The following ABI3BP variants were observed in gnomAD, a reference collection of about 807,000 sequenced individuals.
ABI3BP encodes ABI family member 3 binding protein.
In ABI3BP, 216 loss-of-function variants were observed where a neutral mutation model predicts 268.6. That is an observed-to-expected ratio of 0.80 (90% CI 0.72 to 0.90). The LOEUF is 0.90. Ranked by LOEUF, ABI3BP falls within the 40% of genes least tolerant of loss-of-function variation. ABI3BP has a pLI of 0.00. For missense variants in ABI3BP, 2,090 were observed against 2,182.4 expected (o/e 0.96, Z 0.84); for synonymous variants, 730 against 730.0 (o/e 1.00, Z 0.00).
chr3:100,820,364 G>A (rs2098183850), intron 39 of ABI3BP, 61 bp from the exon 40 acceptor site: 3 of 1,306,676 alleles, frequency 2.3e-6, no homozygotes, highest in African/African-American at 1.5e-5. Context: ...TGAGTAGCAT[G>A]ACATACGGTT....
At chr3:100,816,803 G>T (rs1308502169) in intron 42 of ABI3BP, 35 bp from the exon 43 acceptor site, 1 of 1,511,982 alleles carries the variant, frequency 6.6e-7, no homozygotes, top group African/African-American at 1.4e-5. Context: ...TCTAGTGCAG[G>T]TGGCTTTGGA....
At chr3:100,856,362 A>C (rs1353547438) in intron 14 of ABI3BP, among the ~76,000 whole-genome samples, 1 of 152,214 alleles carries the variant, frequency 6.6e-6, no homozygotes, top group African/African-American at 2.4e-5. Context: ...AGAATTTAAC[A>C]CTGAAAATAA....
At position 100,892,006 on chromosome 3, in the gene ABI3BP, C is replaced by T. The variant is rs141858288; in HGVS notation, c.462-5683G>A. Among the ~76,000 whole-genome samples the T allele has an allele frequency of 8.3e-4, 126 of 152,324 alleles. 1 individual carries two copies. Among genetic ancestry groups the T allele is most frequent in the South Asian group, 1.7e-3 (8 of 4,826 alleles). ...TGCATTTTAAATCCCATTCCATTGA[C>T]GTCGTTTACTTCAGGACATACTACC... On this transcript the variant is annotated intron_variant, in intron 4 of 67. Coordinates refer to ENST00000471714, the MANE Select transcript of ABI3BP (RefSeq NM_001375547.2).
intron 57 of ABI3BP, among the ~76,000 whole-genome samples, chr3:100,780,766 A>C (rs1033934628): frequency 6.6e-6 from 1 of 152,166 alleles, no homozygotes; most frequent in Admixed American, 6.5e-5. Context: ...CAGGCCTCTA[A>C]CTCAAAATTA....
chr3:100,929,100 A>C (rs553504310), intron 1 of ABI3BP, among the ~76,000 whole-genome samples: 37 of 152,206 alleles, frequency 2.4e-4, no homozygotes, highest in African/African-American at 8.4e-4. Context: ...CAAGTCTCAC[A>C]ACGAATCTAA....
chr3:100,841,220 T>TTTTTTTTTTTTTTTTTTG (rs1560681726), intron 21 of ABI3BP, among the ~76,000 whole-genome samples: 4 of 119,548 alleles, frequency 3.3e-5, no homozygotes, highest in Non-Finnish European at 5.1e-5. Flanking sequence ...TTTTTTTTTT[T>TTTTTTTTTTTTTTTTTTG]TTTTTTTGCT....
chr3:100,918,040 G>GA (rs60505764), intron 2 of ABI3BP, among the ~76,000 whole-genome samples: 1,821 of 150,302 alleles, frequency 0.012, 34 homozygotes, highest in African/African-American at 0.04. Flanking sequence ...CGCCTTGGAG[G>GA]AAAAAAAAAT....
At chr3:100,901,530 G>A (rs1182909182) in intron 3 of ABI3BP, among the ~76,000 whole-genome samples, 2 of 152,130 alleles carry the variant, frequency 1.3e-5, no homozygotes, top group African/African-American at 2.4e-5. Context: ...TTGGGAGAGC[G>A]AGGTGGGGGT....
At chr3:100,903,830 C>T (rs558720983) in intron 2 of ABI3BP, among the ~76,000 whole-genome samples, 3 of 152,256 alleles carry the variant, frequency 2.0e-5, no homozygotes, top group South Asian at 4.2e-4. Flanking sequence ...CAGTAATTAC[C>T]GCCGAATAAA....
chr3:100,971,988 C>G (rs913935372), intron 1 of ABI3BP, among the ~76,000 whole-genome samples: 3 of 152,004 alleles, frequency 2.0e-5, no homozygotes, highest in African/African-American at 7.2e-5. Flanking sequence ...GGTGTGCCTT[C>G]CTAAAAAGGG....
At chr3:100,781,881 T>A (rs2096875074) in intron 57 of ABI3BP, among the ~76,000 whole-genome samples, 1 of 151,972 alleles carries the variant, frequency 6.6e-6, no homozygotes, top group Non-Finnish European at 1.5e-5. Flanking sequence ...GATGAGAAAA[T>A]CCAAGGCAAG....
intron 4 of ABI3BP, among the ~76,000 whole-genome samples, chr3:100,894,968 C>CA (rs1561386138): frequency 9.7e-5 from 5 of 51,298 alleles, no homozygotes; most frequent in Admixed American, 2.3e-4. Context: ...AAAAAAAAAA[C>CA]AGAAAAAAAA....
chr3:100,800,681 A>G (rs773849984), intron 51 of ABI3BP, among the ~76,000 whole-genome samples: 55 of 152,104 alleles, frequency 3.6e-4, no homozygotes, highest in Non-Finnish European at 5.9e-4. Context: ...GGGTTTCACC[A>G]TGTTAGCCAG....
At chr3:100,849,922 A>G in intron 17 of ABI3BP, 123 bp downstream of exon 17, 1 of 760,158 alleles carries the variant, frequency 1.3e-6, no homozygotes, top group Non-Finnish European at 2.2e-6. Flanking sequence ...CATGGTAGAG[A>G]CTGAAGGGAA....
At chr3:100,812,564 G>T (rs1218710358) in intron 45 of ABI3BP, 41 bp from the exon 46 acceptor site, 3 of 1,241,246 alleles carry the variant, frequency 2.4e-6, no homozygotes, top group Non-Finnish European at 3.1e-6. Context: ...TAAAGGATAG[G>T]TTGTAAGTAT....
chr3:100,794,448 T>A (rs1254648647), intron 54 of ABI3BP, among the ~76,000 whole-genome samples: 1 of 151,898 alleles, frequency 6.6e-6, no homozygotes, highest in African/African-American at 2.4e-5. Flanking sequence ...TATAACCAAG[T>A]CCTGTCTTCA....
At chr3:100,965,744 C>G (rs1429917045) in intron 1 of ABI3BP, among the ~76,000 whole-genome samples, 2 of 151,472 alleles carry the variant, frequency 1.3e-5, no homozygotes, top group South Asian at 4.2e-4. Context: ...TTGGTGGTGG[C>G]CTTGGGGATC....
intron 63 of ABI3BP, among the ~76,000 whole-genome samples, chr3:100,759,962 G>A (rs2095850304): frequency 6.6e-6 from 1 of 152,188 alleles, no homozygotes; most frequent in Non-Finnish European, 1.5e-5. Context: ...TATGAAAAGG[G>A]TATAATGGCT....
intron 4 of ABI3BP, among the ~76,000 whole-genome samples, chr3:100,890,382 T>C (rs974463398): frequency 6.6e-6 from 1 of 152,126 alleles, no homozygotes; most frequent in Non-Finnish European, 1.5e-5. Flanking sequence ...TCTCTTCCCC[T>C]TCATTCTCTC....
Sources: allele counts gnomAD v4.1 joint callset (sites outside exome capture counted in the v4.1 genomes callset), GRCh38; gene constraint gnomAD v4.1.1; transcripts MANE v1.5; gene names NCBI Gene and HGNC (gene_info 2026-07-23, HGNC 2026-07-21).